The following LOC128092252 variants were observed in gnomAD, a reference collection of about 807,000 sequenced individuals.
At chr15:50,655,449 A>C in the LOC128092252 span, among the ~76,000 whole-genome samples, 71 of 106,044 alleles carry the variant, frequency 6.7e-4, 2 homozygotes, top group African/African-American at 1.6e-3. Flanking sequence ...AAAAAAAAAC[A>C]AAAAAACAAA....
the LOC128092252 span, among the ~76,000 whole-genome samples, chr15:50,672,233 TTAG>T: frequency 3.9e-5 from 6 of 152,084 alleles, no homozygotes; most frequent in African/African-American, 1.4e-4. Context: ...TTTTGTATTT[TTAG>T]TAGAGACATT....
the LOC128092252 span, among the ~76,000 whole-genome samples, chr15:50,671,520 C>T: frequency 6.6e-6 from 1 of 152,270 alleles, no homozygotes; most frequent in East Asian, 1.9e-4. Flanking sequence ...ATTCCTATTG[C>T]AGGCTGGGTG....
the LOC128092252 span, among the ~76,000 whole-genome samples, chr15:50,679,973 C>T: frequency 0.014 from 2,067 of 152,018 alleles, 43 homozygotes; most frequent in African/African-American, 0.048. Context: ...GTGGCTCACG[C>T]TTGTAATCCC....
the LOC128092252 span, among the ~76,000 whole-genome samples, chr15:50,655,677 T>C: frequency 6.6e-6 from 1 of 151,970 alleles, no homozygotes; most frequent in Non-Finnish European, 1.5e-5. Flanking sequence ...AAACAAAAGC[T>C]ACAAGATAAA....
chr15:50,659,961 G>A, the LOC128092252 span, among the ~76,000 whole-genome samples: 1 of 152,018 alleles, frequency 6.6e-6, no homozygotes, highest in Non-Finnish European at 1.5e-5. Context: ...CACCACACCC[G>A]ACCAACAAAA....
the LOC128092252 span, among the ~76,000 whole-genome samples, chr15:50,677,209 G>A: frequency 6.6e-6 from 1 of 152,090 alleles, no homozygotes; most frequent in African/African-American, 2.4e-5. Context: ...AGTGAAGAGG[G>A]AGTGAATAAG....
At chr15:50,686,159 C>A in the LOC128092252 span, among the ~76,000 whole-genome samples, 15 of 152,206 alleles carry the variant, frequency 9.9e-5, no homozygotes, top group Non-Finnish European at 1.8e-4. Flanking sequence ...CCAGGAGGAC[C>A]GTGCTCCCAG....
chr15:50,659,082 C>T, the LOC128092252 span, among the ~76,000 whole-genome samples: 1 of 151,826 alleles, frequency 6.6e-6, no homozygotes, highest in East Asian at 1.9e-4. Context: ...CCTGTAATTC[C>T]AGCTACTCGG....
chr15:50,675,573 A>AT, the LOC128092252 span, among the ~76,000 whole-genome samples: 129 of 152,302 alleles, frequency 8.5e-4, 1 homozygote, highest in African/African-American at 2.8e-3. Flanking sequence ...TCACCTAATG[A>AT]TAAAAAAAAG....
the LOC128092252 span, among the ~76,000 whole-genome samples, chr15:50,661,610 A>T: frequency 6.6e-6 from 1 of 152,230 alleles, no homozygotes; most frequent in Non-Finnish European, 1.5e-5. Context: ...TATTTACTAC[A>T]TATCCACTAT....
chr15:50,680,126 C>T, the LOC128092252 span, among the ~76,000 whole-genome samples: 32 of 151,840 alleles, frequency 2.1e-4, no homozygotes, highest in Non-Finnish European at 3.7e-4. Flanking sequence ...CCTAGCTACT[C>T]GGGAGGCTGA....
At chr15:50,683,236 A>G in the LOC128092252 span, among the ~76,000 whole-genome samples, 1 of 151,168 alleles carries the variant, frequency 6.6e-6, no homozygotes, top group African/African-American at 2.4e-5. Context: ...AGTCACTTAA[A>G]AAAAAAAAAC....
At chr15:50,649,098 T>C in the LOC128092252 span, among the ~76,000 whole-genome samples, 1 of 152,072 alleles carries the variant, frequency 6.6e-6, no homozygotes, top group Non-Finnish European at 1.5e-5. Context: ...GAATTCATCA[T>C]CTAAATTTAA....
chr15:50,666,096 GA>G, the LOC128092252 span, among the ~76,000 whole-genome samples: 18 of 152,056 alleles, frequency 1.2e-4, no homozygotes, highest in African/African-American at 2.7e-4. Flanking sequence ...TAAAATTAAA[GA>G]AAAAAATCAG....
chr15:50,679,933 A>G, the LOC128092252 span, among the ~76,000 whole-genome samples: 1 of 152,060 alleles, frequency 6.6e-6, no homozygotes, highest in Non-Finnish European at 1.5e-5. Flanking sequence ...GTGTCTCTGC[A>G]CTTGTCAAAA....
At chr15:50,657,731 A>G in the LOC128092252 span, 3 of 1,501,530 alleles carry the variant, frequency 2.0e-6, no homozygotes, top group South Asian at 3.5e-5. Flanking sequence ...CTAATAGATT[A>G]GTTTTATTTA....
chr15:50,656,536 A>C, the LOC128092252 span, among the ~76,000 whole-genome samples: 1 of 144,516 alleles, frequency 6.9e-6, no homozygotes, highest in Non-Finnish European at 1.5e-5. Context: ...GGGTCTCACT[A>C]TGCTACCCGG....
chr15:50,679,515 T>C, the LOC128092252 span, among the ~76,000 whole-genome samples: 1 of 49,408 alleles, frequency 2.0e-5, no homozygotes, highest in South Asian at 6.8e-4. Context: ...ATATATAATA[T>C]ATATATATAT....
the LOC128092252 span, among the ~76,000 whole-genome samples, chr15:50,651,841 C>T: frequency 2.0e-5 from 3 of 151,710 alleles, no homozygotes; most frequent in South Asian, 6.2e-4. Context: ...GAGCTGAGAT[C>T]GCGCCACTGC....
Sources: gnomAD v4.1 joint callset for allele counts (sites outside exome capture counted in the v4.1 genomes callset) on GRCh38, gnomAD v4.1.1 for gene constraint, MANE v1.5 for transcripts.